GPATCH2: variants seen among roughly 807,000 people sequenced by gnomAD.
GPATCH2 encodes the protein G-patch domain containing 2.
Under a neutral mutation model 58.0 loss-of-function variants are expected in GPATCH2, and 51 were observed. The observed-to-expected ratio is 0.88, with a 90% CI of 0.70 to 1.11. GPATCH2 has a LOEUF of 1.11. Ranked by LOEUF, GPATCH2 falls within the 50% of genes most tolerant of loss-of-function variation. The pLI is 0.00. For synonymous variants in GPATCH2, 222 were observed against 218.5 expected (o/e 1.02, Z -0.14); for missense variants, 625 against 652.2 (o/e 0.96, Z 0.45).
chr1:217,500,809 GT>G (rs1662260273), intron 6 of GPATCH2, among the ~76,000 whole-genome samples: 1 of 151,864 alleles, frequency 6.6e-6, no homozygotes, highest in Admixed American at 6.6e-5. Flanking sequence ...GAGCTGATCT[GT>G]TAGTTCTTCT....
At chr1:217,500,218 T>G (rs2102551241) in intron 6 of GPATCH2, among the ~76,000 whole-genome samples, 1 of 152,246 alleles carries the variant, frequency 6.6e-6, no homozygotes, top group Middle Eastern at 3.4e-3. Flanking sequence ...CTTTATTACA[T>G]TCTTATTCTT....
chr1:217,623,925 C>T (rs1669324793), intron 1 of GPATCH2, among the ~76,000 whole-genome samples: 1 of 151,788 alleles, frequency 6.6e-6, no homozygotes, highest in African/African-American at 2.4e-5. Flanking sequence ...AAAAAACAAA[C>T]AAACAAAAAC....
At chr1:217,514,079 G>T (rs143181951) in intron 6 of GPATCH2, among the ~76,000 whole-genome samples, 3,990 of 151,764 alleles carry the variant, frequency 0.026, 77 homozygotes, top group East Asian at 0.076. Flanking sequence ...TGCCCGCCTT[G>T]GCCTCCCAAA....
intron 5 of GPATCH2, among the ~76,000 whole-genome samples, chr1:217,587,653 G>A (rs1443066354): frequency 6.6e-6 from 1 of 152,086 alleles, no homozygotes; most frequent in Non-Finnish European, 1.5e-5. Context: ...TAGAGTTTGA[G>A]AACTCATAAG....
At chr1:217,462,950 T>C (rs923155741) in intron 8 of GPATCH2, among the ~76,000 whole-genome samples, 3 of 152,132 alleles carry the variant, frequency 2.0e-5, no homozygotes, top group Non-Finnish European at 4.4e-5. Flanking sequence ...ATGGAGATGA[T>C]AGCAGAACCA....
chr1:217,523,797 G>C (rs1279714440), intron 5 of GPATCH2, among the ~76,000 whole-genome samples: 1 of 134,642 alleles, frequency 7.4e-6, no homozygotes, highest in Non-Finnish European at 1.6e-5. Flanking sequence ...CTGGCCAGGT[G>C]GGGGGCTGAC....
chr1:217,522,543 A>G (rs899056669), intron 5 of GPATCH2, among the ~76,000 whole-genome samples: 2 of 152,220 alleles, frequency 1.3e-5, no homozygotes, highest in African/African-American at 4.8e-5. Context: ...ATGAGCATCA[A>G]GAAAGTAAGG....
intron 3 of GPATCH2, 22 bp from the exon 4 acceptor site, chr1:217,611,093 C>A: frequency 1.3e-6 from 2 of 1,589,654 alleles, no homozygotes; most frequent in Non-Finnish European, 1.7e-6. Context: ...CAAGAAACCC[C>A]CCCCCACCAA....
intron 9 of GPATCH2, among the ~76,000 whole-genome samples, chr1:217,444,535 A>C (rs1398165525): frequency 6.6e-6 from 1 of 152,204 alleles, no homozygotes; most frequent in Non-Finnish European, 1.5e-5. Flanking sequence ...ATTCTTTTCT[A>C]TCTTTTCTAT....
chr1:217,453,172 C>T (rs566263330), intron 8 of GPATCH2, among the ~76,000 whole-genome samples: 61 of 152,330 alleles, frequency 4.0e-4, no homozygotes, highest in African/African-American at 1.4e-3. Flanking sequence ...ATTTGGAATA[C>T]TACTCAAGGT....
intron 5 of GPATCH2, among the ~76,000 whole-genome samples, chr1:217,585,976 A>G (rs917501729): frequency 2.0e-5 from 3 of 152,178 alleles, no homozygotes; most frequent in African/African-American, 7.2e-5. Flanking sequence ...ATATCTAAAT[A>G]CAGAAAATCT....
chr1:217,576,727 G>A (rs563208615), intron 5 of GPATCH2, among the ~76,000 whole-genome samples: 4 of 152,192 alleles, frequency 2.6e-5, no homozygotes, highest in East Asian at 1.9e-4. Flanking sequence ...TGACATGATC[G>A]CACCAGTACG....
chr1:217,475,093 A>C (rs1660910472), intron 8 of GPATCH2, among the ~76,000 whole-genome samples: 1 of 152,166 alleles, frequency 6.6e-6, no homozygotes, highest in Non-Finnish European at 1.5e-5. Context: ...AGAGAAGAAA[A>C]AAATATGCAC....
At chr1:217,522,753 G>A (rs1663531708) in intron 5 of GPATCH2, among the ~76,000 whole-genome samples, 5 of 148,968 alleles carry the variant, frequency 3.4e-5, no homozygotes, top group Admixed American at 3.3e-4. Context: ...TAATCTAAAT[G>A]TGGATTTTCT....
chr1:217,572,550 G>C (rs963442114), intron 5 of GPATCH2, among the ~76,000 whole-genome samples: 1 of 152,108 alleles, frequency 6.6e-6, no homozygotes, highest in Non-Finnish European at 1.5e-5. Context: ...CCCTTGATCT[G>C]CACAACAACC....
intron 6 of GPATCH2, among the ~76,000 whole-genome samples, chr1:217,514,236 T>G (rs1415656097): frequency 6.6e-6 from 1 of 152,052 alleles, no homozygotes; most frequent in Non-Finnish European, 1.5e-5. Flanking sequence ...CTCAGCTCAC[T>G]GCAACCTCCA....
rs149764235 is a variant in GPATCH2 at position 217,476,382 on chromosome 1, A to G, written c.1277+15298T>C. Reference sequence around the variant, plus strand: ...CCTCCAGGACACCAATGTAACAACTATCTACACAAAGAAAGCTCATTCATA... The same window carrying G: ...CCTCCAGGACACCAATGTAACAACTGTCTACACAAAGAAAGCTCATTCATA... On this transcript the variant is annotated intron_variant, in intron 8 of 9. Coordinates refer to ENST00000366935, the MANE Select transcript of GPATCH2 (RefSeq NM_018040.5). Among the ~76,000 whole-genome samples the G allele has an allele frequency of 3.3e-5, 5 of 152,178 alleles. 1 individual carries two copies. The highest frequency in any genetic ancestry group is 1.3e-4 in the Admixed American group (2 of 15,294).
intron 6 of GPATCH2, among the ~76,000 whole-genome samples, chr1:217,504,469 A>C (rs1662453842): frequency 6.6e-6 from 1 of 152,232 alleles, no homozygotes; most frequent in Non-Finnish European, 1.5e-5. Flanking sequence ...TGATAATAAC[A>C]CTAACAGAAA....
intron 6 of GPATCH2, among the ~76,000 whole-genome samples, chr1:217,503,802 A>G (rs1571820817): frequency 1.3e-5 from 2 of 152,246 alleles, no homozygotes. Context: ...GGAGGAAAAA[A>G]AAAGTGTGCT....
Sources: allele counts gnomAD v4.1 joint callset (sites outside exome capture counted in the v4.1 genomes callset), GRCh38; gene constraint gnomAD v4.1.1; transcripts MANE v1.5; gene names NCBI Gene and HGNC (gene_info 2026-07-23, HGNC 2026-07-21).